AGBL4: variants seen among roughly 807,000 people sequenced by gnomAD.
The protein encoded by AGBL4 is cytosolic carboxypeptidase 6.
A neutral mutation model predicts 66.4 loss-of-function variants in AGBL4; 58 were observed. The observed-to-expected ratio is 0.87, with a 90% CI of 0.71 to 1.09. AGBL4 has a LOEUF of 1.09. Among genes scored for constraint, AGBL4 ranks in the 50% least tolerant of loss-of-function variants. The pLI is 0.00. For synonymous variants in AGBL4, 234 were observed against 222.9 expected, an observed-to-expected ratio of 1.05 and a Z score of -0.44; for missense variants, 579 against 631.0, an observed-to-expected ratio of 0.92 and a Z score of 0.88.
intron 1 of AGBL4, among the ~76,000 whole-genome samples, chr1:49,878,659 G>T (rs981915668): frequency 2.0e-5 from 3 of 151,398 alleles, no homozygotes; most frequent in African/African-American, 4.9e-5. Flanking sequence ...GGAGAGTTCT[G>T]TAGATGTCTA....
intron 6 of AGBL4, among the ~76,000 whole-genome samples, chr1:48,839,643 G>A (rs1646754931): frequency 6.6e-6 from 1 of 152,132 alleles, no homozygotes; most frequent in Non-Finnish European, 1.5e-5. Context: ...AGTTGGTGAT[G>A]AATTAGGAGG....
At position 49,921,981 on chromosome 1, in the gene AGBL4, C is replaced by T. The variant is rs971702461; in HGVS notation, c.35-70463G>A. On this transcript the variant is annotated intron_variant, in intron 1 of 13. Coordinates refer to ENST00000371839, the MANE Select transcript of AGBL4 (RefSeq NM_032785.4). ...ATCCAGGCATCCTTCAATCCAATCA[C>T]ATTGACACCTAATATTAACCATCAC... Among the ~76,000 whole-genome samples the T allele has an allele frequency of 4.3e-4, 66 of 152,190 alleles. 2 individuals carry two copies. The highest frequency in any genetic ancestry group is 4.3e-3 in the Admixed American group (65 of 15,276).
intron 9 of AGBL4, among the ~76,000 whole-genome samples, chr1:48,617,927 G>A (rs1382844582): frequency 6.6e-6 from 1 of 152,180 alleles, no homozygotes; most frequent in Non-Finnish European, 1.5e-5. Flanking sequence ...ACTCTACCTT[G>A]CCACTCCTGT....
At chr1:49,715,842 T>A (rs1648085701) in intron 2 of AGBL4, among the ~76,000 whole-genome samples, 1 of 152,192 alleles carries the variant, frequency 6.6e-6, no homozygotes, top group Non-Finnish European at 1.5e-5. Flanking sequence ...TTGTAGATTC[T>A]GGATTTTGGC....
chr1:48,722,148 T>C (rs1040694014), intron 6 of AGBL4, among the ~76,000 whole-genome samples: 2 of 151,320 alleles, frequency 1.3e-5, no homozygotes, highest in African/African-American at 4.8e-5. Context: ...TGGGTGGGCA[T>C]TGGTGAATAG....
At chr1:49,045,098 C>G (rs909662754) in intron 5 of AGBL4, among the ~76,000 whole-genome samples, 4 of 152,176 alleles carry the variant, frequency 2.6e-5, no homozygotes, top group African/African-American at 9.7e-5. Flanking sequence ...ATGACAGAGA[C>G]AGGGCACATT....
intron 2 of AGBL4, among the ~76,000 whole-genome samples, chr1:49,837,493 C>G (rs1037294138): frequency 1.3e-5 from 2 of 152,202 alleles, no homozygotes; most frequent in African/African-American, 4.8e-5. Flanking sequence ...TGACCTAGTT[C>G]AGTAAATTGC....
In AGBL4 at chr1:48,567,860, G is replaced by C. The variant is rs141571832; in HGVS notation, c.1267+19144C>G. On this transcript the variant is annotated intron_variant, in intron 11 of 13. Coordinates refer to ENST00000371839, the MANE Select transcript of AGBL4 (RefSeq NM_032785.4). ...ATACTATTTGCAGACTGAAGGAAAA[G>C]GTGAGGGGCTTCCTTCTGCTGGAGG... 2.0e-3 allele frequency among the ~76,000 whole-genome samples: 300 copies of C among 152,238 alleles called. 1 individual carries two copies. The highest frequency in any genetic ancestry group is 6.9e-3 in the African/African-American group (288 of 41,538).
At chr1:48,995,678 G>C (rs1161847540) in intron 5 of AGBL4, among the ~76,000 whole-genome samples, 1 of 152,212 alleles carries the variant, frequency 6.6e-6, no homozygotes, top group Non-Finnish European at 1.5e-5. Flanking sequence ...ACTTTCCTAT[G>C]GGAAGAGTGC....
chr1:48,990,089 T>C (rs1660492614), intron 5 of AGBL4, among the ~76,000 whole-genome samples: 1 of 152,188 alleles, frequency 6.6e-6, no homozygotes, highest in African/African-American at 2.4e-5. Context: ...GGGGGTGAGA[T>C]GATATCTCAT....
chr1:49,907,871 T>G (rs1477632942), intron 1 of AGBL4, among the ~76,000 whole-genome samples: 1 of 151,998 alleles, frequency 6.6e-6, no homozygotes, highest in Non-Finnish European at 1.5e-5. Flanking sequence ...CTGGAGGATG[T>G]TGATAATTGG....
intron 3 of AGBL4, among the ~76,000 whole-genome samples, chr1:49,475,551 C>G (rs1203958867): frequency 6.6e-6 from 1 of 152,036 alleles, no homozygotes; most frequent in African/African-American, 2.4e-5. Flanking sequence ...GTGAATCCAT[C>G]TCGTCCAGGG....
chr1:49,568,375 T>G (rs1203993876), intron 3 of AGBL4, among the ~76,000 whole-genome samples: 1 of 144,896 alleles, frequency 6.9e-6, no homozygotes, highest in Non-Finnish European at 1.5e-5. Context: ...AGGAACGCAA[T>G]ACTATTCACA....
intron 5 of AGBL4, among the ~76,000 whole-genome samples, chr1:48,937,617 CT>C (rs1048237021): frequency 6.6e-6 from 1 of 152,164 alleles, no homozygotes; most frequent in East Asian, 1.9e-4. Context: ...TTTTTTTCCT[CT>C]TTTTTTCTTT....
chr1:49,512,963 T>C (rs1356643770), intron 3 of AGBL4, among the ~76,000 whole-genome samples: 1 of 152,008 alleles, frequency 6.6e-6, no homozygotes, highest in East Asian at 1.9e-4. Flanking sequence ...TGTTATCTCA[T>C]TTTATCCTAT....
chr1:49,170,639 T>A (rs1646721866), intron 4 of AGBL4, among the ~76,000 whole-genome samples: 1 of 149,188 alleles, frequency 6.7e-6, no homozygotes, highest in East Asian at 1.9e-4. Context: ...ATACACTGAA[T>A]GTCAAATATA....
At chr1:49,355,272 A>C (rs1053414355) in intron 3 of AGBL4, among the ~76,000 whole-genome samples, 3 of 152,186 alleles carry the variant, frequency 2.0e-5, no homozygotes, top group Non-Finnish European at 2.9e-5. Flanking sequence ...TCCATCTCCC[A>C]ATTCTAGTAT....
At chr1:49,159,065 T>G (rs1463105874) in intron 4 of AGBL4, among the ~76,000 whole-genome samples, 2 of 151,420 alleles carry the variant, frequency 1.3e-5, no homozygotes, top group Non-Finnish European at 2.9e-5. Flanking sequence ...CCATTTCCAT[T>G]TAAGTTAATA....
chr1:48,757,239 A>T (rs1643982345), intron 6 of AGBL4, among the ~76,000 whole-genome samples: 1 of 152,208 alleles, frequency 6.6e-6, no homozygotes. Context: ...AATGCAAATT[A>T]TTCACTTTAA....
Sources: allele counts gnomAD v4.1 joint callset (sites outside exome capture counted in the v4.1 genomes callset), GRCh38; gene constraint gnomAD v4.1.1; transcripts MANE v1.5; gene names NCBI Gene and HGNC (gene_info 2026-07-23, HGNC 2026-07-21).